GALNT13: variants seen among roughly 807,000 people sequenced by gnomAD.
GALNT13 encodes polypeptide N-acetylgalactosaminyltransferase 13, also known as UDP-GalNAc:polypeptide N-acetylgalactosaminyltransferase 13.
Under a neutral mutation model 64.2 loss-of-function variants are expected in GALNT13, and 28 were observed. The observed-to-expected ratio is 0.44, with a 90% CI of 0.32 to 0.60. The LOEUF (loss-of-function observed/expected upper bound fraction) is 0.60. Ranked by LOEUF, GALNT13 falls within the 20% of genes least tolerant of loss-of-function variation. The pLI is 0.05. For synonymous variants in GALNT13, 214 were observed against 224.6 expected (o/e 0.95, Z 0.42); for missense variants, 577 against 669.8 (o/e 0.86, Z 1.53).
intron 2 of GALNT13, among the ~76,000 whole-genome samples, chr2:153,904,997 A>G (rs924489106): frequency 1.4e-4 from 22 of 151,912 alleles, no homozygotes; most frequent in Non-Finnish European, 2.9e-5. Context: ...CTTCTATTTA[A>G]TTGGATTATT....
the GALNT13 span, among the ~76,000 whole-genome samples, chr2:153,395,097 G>A: frequency 6.6e-6 from 1 of 152,112 alleles, no homozygotes; most frequent in Non-Finnish European, 1.5e-5. Flanking sequence ...GCCTCCTTTG[G>A]AGCTCTCATA....
At chr2:153,903,938 C>T (rs1688394955) in intron 2 of GALNT13, among the ~76,000 whole-genome samples, 1 of 151,950 alleles carries the variant, frequency 6.6e-6, no homozygotes, top group Non-Finnish European at 1.5e-5. Context: ...ATCAGTTTCC[C>T]GTGGATGACA....
At chr2:153,672,989 C>A in the GALNT13 span, among the ~76,000 whole-genome samples, 1 of 152,036 alleles carries the variant, frequency 6.6e-6, no homozygotes, top group South Asian at 2.1e-4. Flanking sequence ...ACACATACAC[C>A]CTCTCAAGAC....
At chr2:154,447,452 G>A (rs1207959582) in intron 12 of GALNT13, among the ~76,000 whole-genome samples, 3 of 151,796 alleles carry the variant, frequency 2.0e-5, no homozygotes, top group East Asian at 1.9e-4. Flanking sequence ...CATTACACAG[G>A]TCAAGTCAAC....
chr2:154,205,932 C>T (rs1425015136), intron 4 of GALNT13, among the ~76,000 whole-genome samples: 1 of 151,936 alleles, frequency 6.6e-6, no homozygotes, highest in African/African-American at 2.4e-5. Context: ...TTTTACTTTG[C>T]ATTGTATTTT....
the GALNT13 span, among the ~76,000 whole-genome samples, chr2:153,220,569 G>A: frequency 2.6e-5 from 4 of 152,186 alleles, no homozygotes; most frequent in African/African-American, 9.7e-5. Context: ...TAAAAGGAAA[G>A]GGGTGCAAGA....
At chr2:153,117,256 G>T in the GALNT13 span, among the ~76,000 whole-genome samples, 5 of 152,238 alleles carry the variant, frequency 3.3e-5, no homozygotes, top group Admixed American at 2.6e-4. Context: ...TACTTATAAG[G>T]TAAGAAAGGA....
chr2:153,116,846 CTGGAG>C, the GALNT13 span, among the ~76,000 whole-genome samples: 1 of 125,122 alleles, frequency 8.0e-6, no homozygotes, highest in South Asian at 2.8e-4. Flanking sequence ...GTCCCCCAGG[CTGGAG>C]TGCAGGGGCG....
At chr2:153,873,708 T>G (rs1686152836) in intron 1 of GALNT13, among the ~76,000 whole-genome samples, 1 of 152,192 alleles carries the variant, frequency 6.6e-6, no homozygotes, top group Admixed American at 6.5e-5. Context: ...GAGGTTTTAT[T>G]CGCAAGGCTA....
At chr2:153,251,160 A>G in the GALNT13 span, among the ~76,000 whole-genome samples, 1 of 152,220 alleles carries the variant, frequency 6.6e-6, no homozygotes, top group Non-Finnish European at 1.5e-5. Context: ...GCCAAATATG[A>G]AATGGTGTTT....
chr2:153,648,285 A>C, the GALNT13 span, among the ~76,000 whole-genome samples: 1 of 152,294 alleles, frequency 6.6e-6, no homozygotes, highest in African/African-American at 2.4e-5. Context: ...ATTGGTGTAT[A>C]AGAATGCTTG....
At chr2:154,257,866 A>G (rs1017751680) in intron 7 of GALNT13, 2 of 152,168 alleles carry the variant, frequency 1.3e-5, no homozygotes, top group Admixed American at 1.3e-4. Flanking sequence ...CTCACAGACT[A>G]CTTAGATGAG....
the GALNT13 span, among the ~76,000 whole-genome samples, chr2:153,259,238 G>A: frequency 3.9e-5 from 6 of 152,108 alleles, no homozygotes; most frequent in East Asian, 1.2e-3. Context: ...AATAAGTATA[G>A]CTTCTCTGGC....
At chr2:153,212,894 A>AC in the GALNT13 span, among the ~76,000 whole-genome samples, 373 of 152,342 alleles carry the variant, frequency 2.4e-3, no homozygotes, top group Non-Finnish European at 4.2e-3. Flanking sequence ...GGGTTATTTC[A>AC]AGTTATGTTG....
the GALNT13 span, among the ~76,000 whole-genome samples, chr2:153,088,278 T>C: frequency 6.6e-6 from 1 of 152,140 alleles, no homozygotes; most frequent in Non-Finnish European, 1.5e-5. Flanking sequence ...AGTTTTAGGG[T>C]TCCTTTTGGA....
chr2:153,538,711 G>C, the GALNT13 span, among the ~76,000 whole-genome samples: 5 of 22,058 alleles, frequency 2.3e-4, no homozygotes, highest in Admixed American at 2.5e-3. Flanking sequence ...TCCCTACAAA[G>C]GACATGAACT....
chr2:153,722,579 A>AG, the GALNT13 span, among the ~76,000 whole-genome samples: 1 of 151,806 alleles, frequency 6.6e-6, no homozygotes, highest in Non-Finnish European at 1.5e-5. Context: ...ATAAAGAAAA[A>AG]AAGAAGAATC....
chr2:154,070,667 C>G (rs886194576), intron 3 of GALNT13, among the ~76,000 whole-genome samples: 4 of 151,998 alleles, frequency 2.6e-5, no homozygotes, highest in African/African-American at 7.2e-5. Flanking sequence ...CCTTTAATCC[C>G]AGCACTTTGG....
chr2:153,775,963 T>C, the GALNT13 span, among the ~76,000 whole-genome samples: 1 of 152,164 alleles, frequency 6.6e-6, no homozygotes, highest in African/African-American at 2.4e-5. Context: ...AGAAACTTTG[T>C]CCATAATAAA....
Sources: allele counts gnomAD v4.1 joint callset (sites outside exome capture counted in the v4.1 genomes callset), GRCh38; gene constraint gnomAD v4.1.1; transcripts MANE v1.5; gene names NCBI Gene and HGNC (gene_info 2026-07-23, HGNC 2026-07-21).